Variants in TDRD12 observed in about 807,000 individuals in gnomAD.
TDRD12 encodes the protein tudor domain containing 12.
A neutral mutation model predicts 133.5 loss-of-function variants in TDRD12; 158 were observed. That is an observed-to-expected ratio of 1.18 (90% CI 1.04 to 1.35). The LOEUF (loss-of-function observed/expected upper bound fraction) is 1.35, where lower values mean the gene tolerates loss of function less well. Ranked by LOEUF, TDRD12 falls within the 40% of genes most tolerant of loss-of-function variation. The probability of loss-of-function intolerance (pLI) is 0.00; values close to 1 mark genes in which losing one functional copy is unlikely to be tolerated. For synonymous variants in TDRD12, 460 were observed against 477.9 expected, an observed-to-expected ratio of 0.96 and a Z score of 0.49; for missense variants, 1,443 against 1,321.3, an observed-to-expected ratio of 1.09 and a Z score of -1.43.
chr19:32,726,323 C>T (rs1254465611), intron 1 of TDRD12, among the ~76,000 whole-genome samples: 2 of 152,290 alleles, frequency 1.3e-5, no homozygotes, highest in East Asian at 1.9e-4. Context: ...CTTGGATCCA[C>T]CCGCCTCAGC....
chr19:32,814,507 GT>G (rs1390814421), intron 25 of TDRD12, among the ~76,000 whole-genome samples: 1 of 152,196 alleles, frequency 6.6e-6, no homozygotes, highest in African/African-American at 2.4e-5. Flanking sequence ...GCAGAAAATG[GT>G]TTTCAGAAGA....
downstream of TDRD12, among the ~76,000 whole-genome samples, chr19:32,825,836 T>C (rs146989269): frequency 3.4e-4 from 52 of 152,268 alleles, no homozygotes; most frequent in East Asian, 6.2e-3. This position sits in a 1 kb window ranked among gnomAD's most constrained non-coding sequence, Gnocchi z 4.1. Flanking sequence ...GTCAAGATCA[T>C]ACCATTGCAC....
rs999175649 is a variant in TDRD12 at position 32,798,305 on chromosome 19, C to T, written c.1631-3C>T. On this transcript the variant is annotated splice_polypyrimidine_tract_variant and splice_region_variant and intron_variant, in intron 15 of 27. Transcript: ENST00000444215. ...AAATGTTCACTTTTTTTTTTAAATGCAGGTGATGTGATTGTTACGACCCCA... is the reference window on the plus strand; with the variant it reads ...AAATGTTCACTTTTTTTTTTAAATGTAGGTGATGTGATTGTTACGACCCCA... 1 of 1,518,294 alleles carries T rather than the reference C, an allele frequency of 6.6e-7. No homozygotes were observed. The highest frequency in any genetic ancestry group is 1.4e-5 in the African/African-American group (1 of 72,296). 94.1% of individuals were successfully genotyped at this position (1,518,294 alleles called of 1,614,324 possible).
At chr19:32,827,372 C>CTTTTCTTTTTTT (rs61327156) in exon 10 of TDRD12, 3 of 122,402 alleles carry the variant, frequency 2.5e-5, no homozygotes. Context: ...CTTTTCTTTT[C>CTTTTCTTTTTTT]TTTTTTTTTT....
chr19:32,731,682 TTAAATCATA>T, intron 1 of TDRD12, 34 bp from the exon 2 acceptor site: 2 of 1,468,848 alleles, frequency 1.4e-6, no homozygotes, highest in Non-Finnish European at 1.8e-6. Context: ...GGTACTACTT[TTAAATCATA>T]CGCTGTTCTG....
At position 32,803,146 on chromosome 19, in the gene TDRD12, A is replaced by G. The variant is rs184821112; in HGVS notation, c.2552+4A>G. The G allele has an allele frequency of 1.6e-5, 24 of 1,509,858 alleles. No individual in the cohort carries two copies. In the African/African-American group the frequency reaches 2.4e-4, roughly 15 times the overall value. The allele number at this position is 1,509,858 out of a possible 1,614,324, so 93.5% of individuals were successfully genotyped here. ...TGAAGGCTTTTGGTTTTTGCAAGTG[A>G]GCCAGTAATTTGTTTCTTATTAAAC... On this transcript the variant is annotated splice_donor_region_variant and intron_variant, in intron 21 of 27. Transcript: ENST00000444215.
At chr19:32,747,608 A>G (rs1300280232) in intron 4 of TDRD12, among the ~76,000 whole-genome samples, 1 of 152,074 alleles carries the variant, frequency 6.6e-6, no homozygotes, top group Admixed American at 6.6e-5. Context: ...TTTTCCTACA[A>G]TTTTCTTTGC....
At chr19:32,771,880 T>C (rs1250099852) in intron 8 of TDRD12, among the ~76,000 whole-genome samples, 1 of 152,252 alleles carries the variant, frequency 6.6e-6, no homozygotes, top group African/African-American at 2.4e-5. Context: ...TTCAATGAGT[T>C]ATTTAATAGG....
chr19:32,814,871 AC>A (rs1675084078), intron 25 of TDRD12, among the ~76,000 whole-genome samples: 1 of 151,360 alleles, frequency 6.6e-6, no homozygotes, highest in South Asian at 2.1e-4. Context: ...GGCCTGGAGC[AC>A]CCCCCACCCT....
chr19:32,735,536 G>C (rs939470226), intron 2 of TDRD12, among the ~76,000 whole-genome samples: 1 of 152,232 alleles, frequency 6.6e-6, no homozygotes, highest in African/African-American at 2.4e-5. Flanking sequence ...GAAGCACAAG[G>C]GCTGATGGAG....
At chr19:32,781,854 C>G (rs1420858869) in intron 11 of TDRD12, among the ~76,000 whole-genome samples, 1 of 152,070 alleles carries the variant, frequency 6.6e-6, no homozygotes, top group African/African-American at 2.4e-5. Context: ...GGGAAATTCT[C>G]TTGACTTTTT....
chr19:32,776,792 T>C (rs2145613233), intron 10 of TDRD12, among the ~76,000 whole-genome samples: 1 of 152,362 alleles, frequency 6.6e-6, no homozygotes, highest in Admixed American at 6.5e-5. Context: ...CTCACAGAAA[T>C]GTGCTTATGT....
intron 11 of TDRD12, among the ~76,000 whole-genome samples, chr19:32,786,813 T>C (rs1366110159): frequency 6.6e-6 from 1 of 152,194 alleles, no homozygotes; most frequent in Non-Finnish European, 1.5e-5. Context: ...TTATTCTAGT[T>C]AGCCATTCAT....
At chr19:32,734,052 C>CGGCTAATT (rs1891251218) in intron 2 of TDRD12, among the ~76,000 whole-genome samples, 1 of 151,712 alleles carries the variant, frequency 6.6e-6, no homozygotes. Context: ...CCACCATGCC[C>CGGCTAATT]GGCTAATTTC....
rs755029125 is a variant in TDRD12 at position 32,813,709 on chromosome 19, T to C, written c.3074T>C (p.Ile1025Thr). 32 of 1,534,372 alleles carry C rather than the reference T, an allele frequency of 2.1e-5. No individual in the cohort carries two copies. In the South Asian group the frequency reaches 2.9e-4, roughly 14 times the overall value. ...GTTACTAGGTACATTCATCATAAAA[T>C]TGTTGGAAAATTGCATGATGCAAAA... The change falls in exon 25 of 28, where the codon ATT becomes ACT. Residue 1025 changes from isoleucine (I) to threonine (T), a missense_variant. Transcript: ENST00000444215.
chr19:32,774,771 T>C (rs892041572), intron 10 of TDRD12, among the ~76,000 whole-genome samples: 9 of 152,210 alleles, frequency 5.9e-5, no homozygotes, highest in Non-Finnish European at 1.3e-4. Flanking sequence ...TCACCCGAGG[T>C]CAGGAGTTCA....
intron 2 of TDRD12, among the ~76,000 whole-genome samples, chr19:32,735,081 C>G (rs1236449563): frequency 6.6e-6 from 1 of 152,020 alleles, no homozygotes; most frequent in Non-Finnish European, 1.5e-5. Flanking sequence ...TACAATGGCC[C>G]CTAAGTGTTC....
exon 17 of TDRD12, chr19:32,800,251 G>A: frequency 6.5e-7 from 1 of 1,535,206 alleles, no homozygotes; most frequent in Non-Finnish European, 8.7e-7. Flanking sequence ...TGCAGTTGGA[G>A]TTCATTGGAA....
At chr19:32,800,896 A>G (rs895554222) in intron 18 of TDRD12, 124 bp downstream of exon 18, 26 of 1,027,690 alleles carry the variant, frequency 2.5e-5, no homozygotes, top group African/African-American at 6.6e-5. Context: ...GTTTAACATC[A>G]ATCAGAAGAG....
Sources: allele counts gnomAD v4.1 joint callset (sites outside exome capture counted in the v4.1 genomes callset), GRCh38; gene constraint gnomAD v4.1.1; non-coding constraint Gnocchi (gnomAD v3.1); transcripts MANE v1.5; gene names NCBI Gene and HGNC (gene_info 2026-07-23, HGNC 2026-07-21).